The following NALF1 variants were observed in gnomAD, a reference collection of about 807,000 sequenced individuals.
NALF1 encodes the protein family with sequence similarity 155 member A.
Under a neutral mutation model 48.4 loss-of-function variants are expected in NALF1, and 3 were observed. The ratio of observed to expected loss-of-function variants is 0.06; its 90% CI spans 0.03 to 0.16. The LOEUF (loss-of-function observed/expected upper bound fraction) is 0.16. NALF1 is among the 10% of genes least tolerant of loss of function. The pLI is 1.00. For synonymous variants in NALF1, 262 were observed against 245.7 expected (o/e 1.07, Z -0.62); for missense variants, 526 against 571.5 (o/e 0.92, Z 0.81).
At chr13:107,709,902 T>C (rs1875514343) in intron 1 of NALF1, among the ~76,000 whole-genome samples, 1 of 152,194 alleles carries the variant, frequency 6.6e-6, no homozygotes, top group South Asian at 2.1e-4. Context: ...AAATATAGAA[T>C]ATTTCTAAAA....
At chr13:107,352,227 T>G (rs1445160013) in intron 1 of NALF1, among the ~76,000 whole-genome samples, 3 of 152,070 alleles carry the variant, frequency 2.0e-5, no homozygotes, top group Non-Finnish European at 4.4e-5. Context: ...GGAAGGAAAG[T>G]CTAATGGTAG....
chr13:107,468,827 GAAGAT>G (rs1473625347), intron 1 of NALF1, among the ~76,000 whole-genome samples: 22 of 152,204 alleles, frequency 1.4e-4, no homozygotes, highest in Non-Finnish European at 1.2e-4. Context: ...AGTATTTAAA[GAAGAT>G]AATTATTTTA....
rs182113351 is a variant in NALF1, at chr13:107,606,762, T to C, written c.915+258920A>G. ...CTTAATGCAAAATTGGCTTTCAAGC[T>C]GAATAGTGAGTTGGTTGGTTGGTTG... On this transcript the variant is annotated intron_variant, in intron 1 of 2. Transcript: ENST00000375915. Among the ~76,000 whole-genome samples, 777 of 152,314 alleles carry C rather than the reference T, an allele frequency of 5.1e-3. 8 individuals carry two copies. The highest frequency in any genetic ancestry group is 0.018 in the African/African-American group (741 of 41,556).
chr13:107,246,356 T>G (rs1005770992), intron 1 of NALF1, among the ~76,000 whole-genome samples: 1 of 152,190 alleles, frequency 6.6e-6, no homozygotes, highest in Non-Finnish European at 1.5e-5. Context: ...TAACAATCTT[T>G]TTTCATGAAG....
intron 1 of NALF1, among the ~76,000 whole-genome samples, chr13:107,527,568 C>T (rs118154306): frequency 0.012 from 1,876 of 152,108 alleles, 23 homozygotes; most frequent in Middle Eastern, 0.037. Flanking sequence ...GCTCTGGGCA[C>T]GTAAAGTCTG....
intron 1 of NALF1, among the ~76,000 whole-genome samples, chr13:107,728,190 T>C (rs111742496): frequency 0.038 from 5,752 of 152,306 alleles, 110 homozygotes; most frequent in Non-Finnish European, 0.045. Flanking sequence ...ACTGGGTATA[T>C]ACCCAAAGGA....
chr13:107,292,009 T>C (rs1253469323), intron 1 of NALF1, among the ~76,000 whole-genome samples: 1 of 152,158 alleles, frequency 6.6e-6, no homozygotes, highest in Non-Finnish European at 1.5e-5. Context: ...TGCTTAACAA[T>C]GGGGATATGT....
chr13:107,857,536 AG>A (rs2138647252), intron 1 of NALF1, among the ~76,000 whole-genome samples: 1 of 152,324 alleles, frequency 6.6e-6, no homozygotes, highest in South Asian at 2.1e-4. Context: ...AAAGTGTTCA[AG>A]GCCTTTGGTT....
rs554582616 is a variant in NALF1, at chr13:107,289,479, TGTAA to T, written c.916-78728_916-78725del. Among the ~76,000 whole-genome samples the T allele has an allele frequency of 2.3e-3, 348 of 152,324 alleles. 3 individuals carry two copies. The highest frequency in any genetic ancestry group is 7.8e-3 in the African/African-American group (325 of 41,580). On this transcript the variant is annotated intron_variant, in intron 1 of 2. Transcript: ENST00000375915. ...TTTTTTGGCATTTTTTGTTTTATAA[TGTAA>T]GTAAGTAATATATTACAGAGGTATA...
chr13:107,583,850 A>G (rs562662727), intron 1 of NALF1, among the ~76,000 whole-genome samples: 1 of 152,268 alleles, frequency 6.6e-6, no homozygotes, highest in African/African-American at 2.4e-5. Context: ...CTGCTACAGA[A>G]TGCAGCTTTT....
intron 1 of NALF1, among the ~76,000 whole-genome samples, chr13:107,548,172 T>G (rs534870982): frequency 1.3e-5 from 2 of 152,104 alleles, no homozygotes; most frequent in Non-Finnish European, 2.9e-5. Flanking sequence ...TTCCCTTGTG[T>G]TCATGAGTTC....
At chr13:107,539,976 T>C (rs1227304072) in intron 1 of NALF1, among the ~76,000 whole-genome samples, 1 of 152,044 alleles carries the variant, frequency 6.6e-6, no homozygotes, top group East Asian at 1.9e-4. Flanking sequence ...TAGCTCTAAT[T>C]AATAATTTCT....
At chr13:107,450,639 C>A (rs1884725550) in intron 1 of NALF1, among the ~76,000 whole-genome samples, 1 of 152,086 alleles carries the variant, frequency 6.6e-6, no homozygotes, top group African/African-American at 2.4e-5. Flanking sequence ...AGAAAGGCTG[C>A]AATGTGCAAG....
intron 1 of NALF1, among the ~76,000 whole-genome samples, chr13:107,526,092 C>T (rs1021180350): frequency 7.2e-5 from 11 of 152,086 alleles, no homozygotes; most frequent in African/African-American, 2.2e-4. Flanking sequence ...AAATAATCCC[C>T]ATCCCCCTAA....
chr13:107,189,564 A>G (rs1393395351), intron 2 of NALF1, among the ~76,000 whole-genome samples: 1 of 152,204 alleles, frequency 6.6e-6, no homozygotes, highest in East Asian at 1.9e-4. Context: ...TGCACCAACC[A>G]TCCAAGCAAA....
chr13:107,770,337 A>G (rs1395612535), intron 1 of NALF1, among the ~76,000 whole-genome samples: 1 of 152,170 alleles, frequency 6.6e-6, no homozygotes, highest in Non-Finnish European at 1.5e-5. Flanking sequence ...GTTCTCCTTG[A>G]AAGTGTAGAT....
intron 1 of NALF1, among the ~76,000 whole-genome samples, chr13:107,772,186 G>C (rs1274432619): frequency 1.3e-5 from 2 of 151,830 alleles, no homozygotes; most frequent in African/African-American, 4.8e-5. Context: ...TTACTTTCAG[G>C]AACTCCTACT....
chr13:107,247,836 C>T (rs868590404), intron 1 of NALF1, among the ~76,000 whole-genome samples: 11 of 152,180 alleles, frequency 7.2e-5, no homozygotes, highest in Non-Finnish European at 7.3e-5. Context: ...CCTCTATTGG[C>T]TCAATCTGTC....
intron 1 of NALF1, among the ~76,000 whole-genome samples, chr13:107,681,072 C>A (rs1022157598): frequency 1.3e-5 from 2 of 152,036 alleles, no homozygotes; most frequent in African/African-American, 4.8e-5. Flanking sequence ...TTTCAGCAGT[C>A]ACTGACAATA....
Sources: allele counts gnomAD v4.1 joint callset (sites outside exome capture counted in the v4.1 genomes callset), GRCh38; gene constraint gnomAD v4.1.1; transcripts MANE v1.5; gene names NCBI Gene and HGNC (gene_info 2026-07-23, HGNC 2026-07-21).